The following LRP8 variants were observed in gnomAD, a reference collection of about 807,000 sequenced individuals.
LRP8 encodes low-density lipoprotein receptor-related protein 8.
Under a neutral mutation model 111.6 loss-of-function variants are expected in LRP8, and 46 were observed. The ratio of observed to expected loss-of-function variants is 0.41; its 90% CI spans 0.33 to 0.53. LRP8 has a LOEUF of 0.53. Among genes scored for constraint, LRP8 ranks in the 20% least tolerant of loss-of-function variants. The pLI is 0.20. For synonymous variants in LRP8, 464 were observed against 511.2 expected, an observed-to-expected ratio of 0.91 and a Z score of 1.24; for missense variants, 959 against 1,297.4, an observed-to-expected ratio of 0.74 and a Z score of 4.01.
At chr1:53,327,135 C>A (rs1655245581) in intron 1 of LRP8, 143 bp from the exon 2 acceptor site, 3 of 1,148,116 alleles carry the variant, frequency 2.6e-6, no homozygotes, top group East Asian at 5.2e-5. Context: ...CACACTCCAT[C>A]CAAAGGGAGG....
chr1:53,284,757 G>A (rs1222489535), intron 3 of LRP8, among the ~76,000 whole-genome samples: 1 of 152,198 alleles, frequency 6.6e-6, no homozygotes, highest in Non-Finnish European at 1.5e-5. Context: ...AGGTTCTCAA[G>A]GATTCAGCAG....
intron 2 of LRP8, among the ~76,000 whole-genome samples, chr1:53,290,816 G>T (rs950721566): frequency 6.6e-6 from 1 of 152,296 alleles, no homozygotes; most frequent in East Asian, 1.9e-4. Context: ...AACTGAGGCT[G>T]CCTGGCTACC....
At chr1:53,286,698 C>A (rs1015652572) in intron 3 of LRP8, among the ~76,000 whole-genome samples, 4 of 152,220 alleles carry the variant, frequency 2.6e-5, no homozygotes, top group Non-Finnish European at 5.9e-5. Context: ...TAGGGACAGA[C>A]AACATAATCG....
chr1:53,247,700 C>A (rs1285073689), intron 18 of LRP8, among the ~76,000 whole-genome samples: 2 of 152,206 alleles, frequency 1.3e-5, no homozygotes, highest in African/African-American at 4.8e-5. Flanking sequence ...GATTTAAATT[C>A]TTTCCTATAT....
Position 53,289,633 on chromosome 1 carries a change from C to G in LRP8, c.301G>C (p.Glu101Gln), listed in dbSNP as rs1244742909. The G allele has an allele frequency of 1.9e-6, 3 of 1,613,444 alleles. No individual in the cohort carries two copies. Among genetic ancestry groups the G allele is most frequent in the Admixed American group, 3.3e-5 (2 of 59,950 alleles). ...TCCTCGCCGTCACACTTCCACCGTT[C>G]GTGGATGCAGTGGCCGTTGTCACAG... ...FTCDNGHCIH[E>Q]RWKCDGEEEC... The change falls in exon 3 of 19, where the codon GAA becomes CAA. Residue 101 changes from glutamate (E) to glutamine (Q), a missense_variant. Physicochemically the swap from Glu to Gln is conservative, Grantham distance 29 (BLOSUM62 2). Transcript: ENST00000306052.
chr1:53,276,697 T>C lies in LRP8; in HGVS notation c.878A>G (p.Asp293Gly), dbSNP rs1441086446. 5 of 1,539,696 alleles carry C rather than the reference T, an allele frequency of 3.2e-6. No homozygotes were observed. In the South Asian group the frequency reaches 4.6e-5, roughly 14 times the overall value. Reference sequence around the variant, plus strand: ...GCGGTATGGAGGGGGCTTACGGCAGTCGGCCTCGTCCGATTTGTCTTTGCA... The same window carrying C: ...GCGGTATGGAGGGGGCTTACGGCAGCCGGCCTCGTCCGATTTGTCTTTGCA... ...RDCKDKSDEADCPLGTCRGDE... is the reference protein window; with the variant it reads ...RDCKDKSDEAGCPLGTCRGDE... The change falls in exon 5 of 19, where the codon GAC (aspartate) becomes GGC (glycine). Residue 293 changes from aspartate (D) to glycine (G), a missense_variant. Coordinates refer to ENST00000306052, the MANE Select transcript of LRP8 (RefSeq NM_004631.5).
chr1:53,267,889 C>T (rs1441626130), intron 8 of LRP8: 1 of 152,272 alleles, frequency 6.6e-6, no homozygotes, highest in Admixed American at 6.5e-5. Context: ...ACACCTGCCC[C>T]TCAAGCTCCC....
Position 53,289,579 on chromosome 1 carries a change from C to T in LRP8, c.355G>A (p.Glu119Lys), listed in dbSNP as rs776400539. Reference sequence around the variant, plus strand: ...GGGCAGGACTCACTGCAAGTGGCCTCGGACTCATCGGAGCCATCAGGACAC... The same window carrying T: ...GGGCAGGACTCACTGCAAGTGGCCTTGGACTCATCGGAGCCATCAGGACAC... ...EECPDGSDES[E>K]ATCTKQVCPA... The change falls in exon 3 of 19, where the codon GAG (glutamate) becomes AAG (lysine). Residue 119 changes from glutamate (E) to lysine (K), a missense_variant. Around this residue, in one of 3 missense-constraint regions of LRP8, gnomAD observed 43 missense variants for 92.4 expected, o/e 0.47. Transcript: ENST00000306052. 6.2e-6 allele frequency: 10 copies of T among 1,603,186 alleles called. No homozygotes were observed. The highest frequency in any genetic ancestry group is 1.7e-4 in the Middle Eastern group (1 of 6,048).
At chr1:53,278,354 A>G (rs1270185712) in intron 4 of LRP8, among the ~76,000 whole-genome samples, 1 of 152,206 alleles carries the variant, frequency 6.6e-6, no homozygotes, top group African/African-American at 2.4e-5. Flanking sequence ...CCGGTGGGGC[A>G]CTGATGCAGT....
chr1:53,247,189 G>T, intron 18 of LRP8, 133 bp from the exon 19 acceptor site: 1 of 622,530 alleles, frequency 1.6e-6, no homozygotes, highest in Non-Finnish European at 2.6e-6. Context: ...CTAAGAGACA[G>T]GATTTATCCT....
In LRP8 at chr1:53,266,537, G is replaced by C. The variant is rs749015531; in HGVS notation, c.1363C>G (p.Leu455Val). 2 of 1,614,232 alleles carry C rather than the reference G, an allele frequency of 1.2e-6. No homozygotes were observed. The highest frequency in any genetic ancestry group is 2.2e-5 in the South Asian group (2 of 91,088). ...LIPMLKNVVA[L>V]DVEVATNRIY... ...CGATTGGTGGCAACTTCCACATCTA[G>C]TGCCACGACATTCTTGAGCATGGGG... Residue 455 changes from leucine to valine, a missense_variant, in exon 9 of 19, where the codon CTA (leucine) becomes GTA (valine). Leu to Val is a conservative substitution (Grantham distance 32). This residue lies in a region of LRP8 where 819 missense variants were observed against 1,097.6 expected (regional missense o/e 0.75). Coordinates refer to ENST00000306052, the MANE Select transcript of LRP8 (RefSeq NM_004631.5). The surrounding 1 kb of genome is among the most constrained non-coding windows in gnomAD (Gnocchi z 5.0).
chr1:53,263,529 C>T (rs1646426437), intron 10 of LRP8, among the ~76,000 whole-genome samples: 1 of 152,198 alleles, frequency 6.6e-6, no homozygotes, highest in African/African-American at 2.4e-5. Flanking sequence ...GAATCCCTAA[C>T]TCCCAAAACT....
At chr1:53,307,188 G>A (rs1415530162) in intron 2 of LRP8, among the ~76,000 whole-genome samples, 1 of 152,218 alleles carries the variant, frequency 6.6e-6, no homozygotes, top group East Asian at 1.9e-4. Flanking sequence ...CAGCCCGCTG[G>A]AACAGAAAGA....
chr1:53,259,864 AC>A (rs967689796), intron 13 of LRP8, among the ~76,000 whole-genome samples: 3 of 152,182 alleles, frequency 2.0e-5, no homozygotes, highest in African/African-American at 7.2e-5. Flanking sequence ...AGAATCAGGC[AC>A]CAATCTTAGC....
chr1:53,315,889 T>C lies in LRP8; in HGVS notation c.244+10984A>G, dbSNP rs180815663. 4.6e-5 allele frequency among the ~76,000 whole-genome samples: 7 copies of C among 152,074 alleles called. No individual in the cohort carries two copies. The East Asian group carries it at 1.2e-3, about 25-fold the overall frequency. On this transcript the variant is annotated intron_variant, in intron 2 of 18. Transcript: ENST00000306052. The stretch of plus-strand genomic sequence containing the variant: ...GCAGCAACAAGGGATCAGGCCTCTG[T>C]CACAGAGGGGAGACATCAGCACAGG...
chr1:53,277,103 GCCCGCCGACCCCCTCC>G (rs1381203785), intron 4 of LRP8, 25 bp from the exon 5 acceptor site: 7 of 1,460,182 alleles, frequency 4.8e-6, no homozygotes, highest in Non-Finnish European at 6.3e-6. Flanking sequence ...GAGCCGGTCG[GCCCGCCGACCCCCTCC>G]CCGGCCGACC....
Position 53,249,684 on chromosome 1 carries a change from T to C in LRP8, c.2677-128A>G, listed in dbSNP as rs986981698. On this transcript the variant is annotated intron_variant, in intron 17 of 18. Coordinates refer to ENST00000306052, the MANE Select transcript of LRP8 (RefSeq NM_004631.5). The surrounding 1 kb of genome is among the most constrained non-coding windows in gnomAD (Gnocchi z 4.1). ...TCCCCCAAAAAGCCATGCTGTGTTG[T>C]ACCTTCAAGCCTTTGCACATGCCTC... 1 of 1,356,682 alleles carries C rather than the reference T, an allele frequency of 7.4e-7. No individual in the cohort carries two copies. Among genetic ancestry groups the C allele is most frequent in the Non-Finnish European group, 9.7e-7 (1 of 1,029,844 alleles). 84.0% of individuals were successfully genotyped at this position (1,356,682 alleles called of 1,614,324 possible). A position where few individuals can be genotyped will look rare whatever the true frequency, so the allele number is the denominator to read the frequency against.
In LRP8 at chr1:53,249,955, G is replaced by A. The variant is rs1645843731; in HGVS notation, c.2677-399C>T. The stretch of plus-strand genomic sequence containing the variant: ...AGTTCTGCCCTCAAGGATCTTATGG[G>A]TTAGTGAGGAGACCACTGAGTAAAA... On this transcript the variant is annotated intron_variant, in intron 17 of 18. Transcript: ENST00000306052. The surrounding 1 kb of genome is among the most constrained non-coding windows in gnomAD (Gnocchi z 4.1). 1.3e-5 allele frequency among the ~76,000 whole-genome samples: 2 copies of A among 152,190 alleles called. No individual in the cohort carries two copies. The highest frequency in any genetic ancestry group is 1.3e-4 in the Admixed American group (2 of 15,284).
intron 2 of LRP8, chr1:53,305,929 C>T (rs1048854503): frequency 1.1e-4 from 16 of 152,324 alleles, no homozygotes; most frequent in African/African-American, 3.6e-4. Flanking sequence ...AGCATGAGCT[C>T]TTATGAGGCC....
Sources: allele counts gnomAD v4.1 joint callset (sites outside exome capture counted in the v4.1 genomes callset), GRCh38; gene constraint gnomAD v4.1.1; regional missense constraint gnomAD v4.1.1; non-coding constraint Gnocchi (gnomAD v3.1); transcripts MANE v1.5; gene names NCBI Gene and HGNC (gene_info 2026-07-23, HGNC 2026-07-21).